The following OTOF variants were observed in gnomAD, a reference collection of about 807,000 sequenced individuals.
OTOF encodes the protein fer-1-like family member 2.
In OTOF, 218 loss-of-function variants were observed where a neutral mutation model predicts 236.8. That is an observed-to-expected ratio of 0.92 (90% CI 0.82 to 1.03). The LOEUF is 1.03. Ranked by LOEUF, OTOF falls within the 50% of genes least tolerant of loss-of-function variation. The pLI is 0.00. For synonymous variants in OTOF, 1,041 were observed against 1,072.5 expected (o/e 0.97, Z 0.57); for missense variants, 2,590 against 2,694.4 (o/e 0.96, Z 0.86).
intron 2 of OTOF, among the ~76,000 whole-genome samples, chr2:26,531,732 A>C (rs1185423637): frequency 6.6e-6 from 1 of 152,030 alleles, no homozygotes; most frequent in Non-Finnish European, 1.5e-5. Context: ...AGACGAGATG[A>C]GGATTTTGAG....
At chr2:26,481,320 G>A (rs949742686) in intron 14 of OTOF, among the ~76,000 whole-genome samples, 1 of 152,202 alleles carries the variant, frequency 6.6e-6, no homozygotes, top group Non-Finnish European at 1.5e-5. Flanking sequence ...TTCCAAGTCC[G>A]CAGCATGACC....
chr2:26,459,866 G>A (rs1664374422), intron 46 of OTOF, 142 bp downstream of exon 46: 2 of 790,462 alleles, frequency 2.5e-6, no homozygotes, highest in Non-Finnish European at 4.1e-6. Context: ...CTTGTGCGTG[G>A]CACATGTGTG....
Position 26,477,904 on chromosome 2 carries a change from T to G in OTOF, c.2215-155A>C, listed in dbSNP as rs143933877. On this transcript the variant is annotated intron_variant, in intron 18 of 46. Coordinates refer to ENST00000272371, the MANE Select transcript of OTOF (RefSeq NM_194248.3). This position sits in a 1 kb window ranked among gnomAD's most constrained non-coding sequence, Gnocchi z 4.7. ...AGTATCGGTCATCATGAGGAAGTCATCAATTTCCCAGGTTCTGTTCTCAGA... is the reference window on the plus strand; with the variant it reads ...AGTATCGGTCATCATGAGGAAGTCAGCAATTTCCCAGGTTCTGTTCTCAGA... The G allele has an allele frequency of 3.3e-6, 5 of 1,534,772 alleles. No individual in the cohort carries two copies. Among genetic ancestry groups the G allele is most frequent in the Non-Finnish European group, 4.4e-6 (5 of 1,138,222 alleles).
At chr2:26,509,425 C>T (rs1666328810) in intron 5 of OTOF, among the ~76,000 whole-genome samples, 1 of 152,198 alleles carries the variant, frequency 6.6e-6, no homozygotes, top group Admixed American at 6.5e-5. Context: ...GGAGCTCTTC[C>T]TACACAGCGC....
chr2:26,517,901 T>TC (rs1460295989), intron 4 of OTOF, among the ~76,000 whole-genome samples: 1 of 152,098 alleles, frequency 6.6e-6, no homozygotes, highest in African/African-American at 2.4e-5. Flanking sequence ...TTATCTCACT[T>TC]CCCACACTAC....
Position 26,474,115 on chromosome 2 carries a change from G to A in OTOF, c.3289-5C>T. The stretch of plus-strand genomic sequence containing the variant: ...AGCCTTCCCTGCTGGTCCAATCTGG[G>A]GAATGGGGGTCACAGGTCACACACT... On this transcript the variant is annotated splice_polypyrimidine_tract_variant and splice_region_variant and intron_variant, in intron 26 of 46. Coordinates refer to ENST00000272371, the MANE Select transcript of OTOF (RefSeq NM_194248.3). 1.2e-6 allele frequency: 2 copies of A among 1,612,832 alleles called. No individual in the cohort carries two copies. The highest frequency in any genetic ancestry group is 4.5e-5 in the East Asian group (2 of 44,882).
chr2:26,489,838 C>T, intron 9 of OTOF, 98 bp from the exon 10 acceptor site: 4 of 903,088 alleles, frequency 4.4e-6, no homozygotes, highest in South Asian at 1.3e-5. Context: ...TGTCTGCACC[C>T]CAGACATTTG....
chr2:26,524,388 A>T (rs1283657677), intron 3 of OTOF, among the ~76,000 whole-genome samples: 1 of 152,230 alleles, frequency 6.6e-6, no homozygotes, highest in Non-Finnish European at 1.5e-5. Context: ...ATGCACCTGT[A>T]GTCCCAGCTA....
In OTOF at chr2:26,506,451, GT is replaced by G. The variant is rs946778894; in HGVS notation, c.510-2607del. Among the ~76,000 whole-genome samples the G allele has an allele frequency of 5.2e-4, 79 of 152,314 alleles. 1 individual carries two copies. In the Middle Eastern group the frequency reaches 0.01, roughly 20 times the overall value. ...CCCAGAGGGGAAGTGCTCTGAGATG[GT>G]AGGTTAGAAGCAGGCCCTGCCTGGA... On this transcript the variant is annotated intron_variant, in intron 5 of 46. Transcript: ENST00000272371.
At position 26,558,644 on chromosome 2, in the gene OTOF, CGCCTCTCTCTTCTCTGCCGCT is replaced by C. The variant is rs1667657036; in HGVS notation, c.-94_-74del. On this transcript the variant is annotated 5_prime_UTR_variant, in exon 1 of 47. Transcript: ENST00000272371. ...GCTAGCCGGTGGAGCACGGCTCACA[CGCCTCTCTCTTCTCTGCCGCT>C]GCCTCCTCCTCCTCCTCCCGACCCC... 2 of 1,290,898 alleles carry C rather than the reference CGCCTCTCTCTTCTCTGCCGCT, an allele frequency of 1.5e-6. No individual in the cohort carries two copies. The highest frequency in any genetic ancestry group is 2.4e-5 in the South Asian group (2 of 84,098). The allele number at this position is 1,290,898 out of a possible 1,614,324, so 80.0% of individuals were successfully genotyped here.
intron 8 of OTOF, among the ~76,000 whole-genome samples, chr2:26,499,282 G>A (rs1666061504): frequency 6.6e-6 from 1 of 152,098 alleles, no homozygotes; most frequent in African/African-American, 2.4e-5. Flanking sequence ...AAGAAACAAA[G>A]AGCATGGGTA....
chr2:26,537,352 C>T (rs552193724), intron 2 of OTOF, among the ~76,000 whole-genome samples: 16 of 152,324 alleles, frequency 1.1e-4, no homozygotes, highest in African/African-American at 3.8e-4. Context: ...CCCCAACACT[C>T]GCCTGCCTCG....
intron 1 of OTOF, among the ~76,000 whole-genome samples, chr2:26,553,696 A>G (rs1486444591): frequency 6.6e-6 from 1 of 151,824 alleles, no homozygotes; most frequent in Non-Finnish European, 1.5e-5. Flanking sequence ...AATACCGCCC[A>G]TTTCCCCTGC....
At chr2:26,484,794 T>TA in intron 11 of OTOF, among the ~76,000 whole-genome samples, 161 bp from the exon 12 acceptor site, 1 of 152,316 alleles carries the variant, frequency 6.6e-6, no homozygotes, top group South Asian at 2.1e-4. Context: ...CAGGGTGTGA[T>TA]AGAGTCTGAG....
chr2:26,474,396 C>A (rs1371072268), intron 26 of OTOF, 117 bp downstream of exon 26: 2 of 549,310 alleles, frequency 3.6e-6, no homozygotes, highest in South Asian at 1.9e-5. Flanking sequence ...AGCCCCCAGG[C>A]CCCACCCCCA....
chr2:26,459,338 G>A (rs1465088590), intron 46 of OTOF, among the ~76,000 whole-genome samples: 1 of 150,464 alleles, frequency 6.6e-6, no homozygotes, highest in Non-Finnish European at 1.5e-5. Context: ...GGATCACGAG[G>A]TCAGGAGATC....
At chr2:26,485,335 C>T (rs964114974) in intron 11 of OTOF, among the ~76,000 whole-genome samples, 8 of 152,196 alleles carry the variant, frequency 5.3e-5, no homozygotes, top group African/African-American at 7.2e-5. Context: ...CTGACTTCCT[C>T]GGAAGAGTTG....
At chr2:26,503,989 G>A (rs1206630153) in intron 5 of OTOF, 144 bp from the exon 6 acceptor site, 7 of 733,410 alleles carry the variant, frequency 9.5e-6, no homozygotes, top group African/African-American at 1.7e-5. Flanking sequence ...GAGACAGATC[G>A]GGATCTGTCT....
At position 26,465,062 on chromosome 2, in the gene OTOF, TG is replaced by T. The variant is rs760349414; in HGVS notation, c.4800-34del. 4 of 1,446,352 alleles carry T rather than the reference TG, an allele frequency of 2.8e-6. No individual in the cohort carries two copies. In the East Asian group the frequency reaches 9.9e-5, roughly 36 times the overall value. 89.6% of individuals were successfully genotyped at this position (1,446,352 alleles called of 1,614,324 possible). ...AGGGGACACACAGGCTTGGAGGGGC[TG>T]GGTGGGACTAAGCCATCCTGGATGA... On this transcript the variant is annotated intron_variant, in intron 38 of 46. Coordinates refer to ENST00000272371, the MANE Select transcript of OTOF (RefSeq NM_194248.3).
Sources: gnomAD v4.1 joint callset for allele counts (sites outside exome capture counted in the v4.1 genomes callset) on GRCh38, gnomAD v4.1.1 for gene constraint, Gnocchi (gnomAD v3.1) non-coding constraint, MANE v1.5 for transcripts, NCBI Gene and HGNC (gene_info 2026-07-23, HGNC 2026-07-21) for gene names.